CSMD2: variants seen among roughly 807,000 people sequenced by gnomAD.
CSMD2 encodes CUB and sushi domain-containing protein 2.
A neutral mutation model predicts 398.5 loss-of-function variants in CSMD2; 130 were observed. The ratio of observed to expected loss-of-function variants is 0.33; its 90% CI spans 0.28 to 0.38. The LOEUF (loss-of-function observed/expected upper bound fraction) is 0.38. CSMD2 is among the 10% of genes least tolerant of loss of function. The probability of loss-of-function intolerance (pLI) is 1.00; values close to 1 mark genes in which losing one functional copy is unlikely to be tolerated. For synonymous variants in CSMD2, 1,828 were observed against 1,908.5 expected, an observed-to-expected ratio of 0.96 and a Z score of 1.10; for missense variants, 3,829 against 4,764.9, an observed-to-expected ratio of 0.80 and a Z score of 5.78.
At chr1:33,577,508 G>A (rs773670035) in intron 48 of CSMD2, 24 bp from the exon 49 acceptor site, 5 of 1,583,644 alleles carry the variant, frequency 3.2e-6, no homozygotes, top group East Asian at 2.3e-5. Flanking sequence ...TGAGGTTCAG[G>A]GAACTGGCAC....
chr1:33,597,298 T>TATCC (rs1325929313), intron 44 of CSMD2, among the ~76,000 whole-genome samples: 1 of 152,248 alleles, frequency 6.6e-6, no homozygotes, highest in African/African-American at 2.4e-5. Context: ...TTATCTTGAA[T>TATCC]ATCCTCTCTT....
intron 1 of CSMD2, among the ~76,000 whole-genome samples, chr1:34,155,015 C>G (rs936799076): frequency 6.6e-6 from 1 of 152,150 alleles, no homozygotes; most frequent in Non-Finnish European, 1.5e-5. Context: ...CGTGAGCCAC[C>G]GCGCCCTGCC....
chr1:33,560,880 A>G (rs1187588644), intron 53 of CSMD2, among the ~76,000 whole-genome samples: 1 of 152,192 alleles, frequency 6.6e-6, no homozygotes, highest in Non-Finnish European at 1.5e-5. Context: ...TGAATCAGCG[A>G]ATGAGTAAGT....
At chr1:33,588,443 A>G (rs181057187) in intron 44 of CSMD2, among the ~76,000 whole-genome samples, 3 of 152,262 alleles carry the variant, frequency 2.0e-5, no homozygotes, top group African/African-American at 7.2e-5. Flanking sequence ...TTGAAAGTAC[A>G]GATATCTCCT....
chr1:33,617,423 G>T, intron 38 of CSMD2, 76 bp downstream of exon 38: 2 of 1,089,436 alleles, frequency 1.8e-6, no homozygotes, highest in African/African-American at 1.5e-5. Flanking sequence ...GGTGACTGTA[G>T]CTCTGCTGGT....
At chr1:33,975,938 C>T (rs1645946966) in intron 3 of CSMD2, among the ~76,000 whole-genome samples, 1 of 152,230 alleles carries the variant, frequency 6.6e-6, no homozygotes, top group Admixed American at 6.5e-5. Flanking sequence ...CACATGCTCA[C>T]CCCAGCAGCT....
chr1:33,628,825 AAAG>A (rs879278074), intron 32 of CSMD2, among the ~76,000 whole-genome samples: 5 of 152,186 alleles, frequency 3.3e-5, no homozygotes, highest in Non-Finnish European at 7.3e-5. Flanking sequence ...AACAACAAAA[AAAG>A]AAAATCACAT....
At chr1:33,817,586 G>C (rs1657615340) in intron 9 of CSMD2, among the ~76,000 whole-genome samples, 1 of 152,182 alleles carries the variant, frequency 6.6e-6, no homozygotes, top group Admixed American at 6.5e-5. Context: ...GCAACTAGAG[G>C]CTGAGGTTTG....
chr1:33,724,462 T>C, intron 18 of CSMD2, 54 bp downstream of exon 18: 1 of 1,587,380 alleles, frequency 6.3e-7, no homozygotes, highest in South Asian at 1.1e-5. Flanking sequence ...CACCTGTGTT[T>C]CTGTGGCAGG....
intron 25 of CSMD2, among the ~76,000 whole-genome samples, chr1:33,686,499 G>T (rs1041052629): frequency 6.6e-6 from 1 of 152,186 alleles, no homozygotes; most frequent in African/African-American, 2.4e-5. Context: ...AAGGAAAGGG[G>T]CTGCCTTCCA....
rs114372335 is a variant in CSMD2, at chr1:34,108,687, G to A, written c.188-19494C>T. On this transcript the variant is annotated intron_variant, in intron 1 of 70. Transcript: ENST00000373381. ...TAAAGGAATGAAGGGATAGAAAGAG[G>A]GAAAGAGGCTGAAGAGGGAAAGGGG... 5.9e-3 allele frequency among the ~76,000 whole-genome samples: 904 copies of A among 152,312 alleles called. 14 individuals are homozygous for A. The highest frequency in any genetic ancestry group is 0.021 in the African/African-American group (861 of 41,562).
chr1:34,039,057 G>A (rs746353404), intron 2 of CSMD2, among the ~76,000 whole-genome samples: 80 of 152,210 alleles, frequency 5.3e-4, no homozygotes, highest in Middle Eastern at 3.4e-3. Context: ...GTGTCTCAAC[G>A]TTACTTCTAG....
intron 6 of CSMD2, among the ~76,000 whole-genome samples, chr1:33,836,657 T>G (rs1218989794): frequency 6.6e-6 from 1 of 152,098 alleles, no homozygotes; most frequent in African/African-American, 2.4e-5. Flanking sequence ...TAGGACCCTC[T>G]GAGCCATGCG....
chr1:33,954,165 C>T (rs966125928), intron 3 of CSMD2, among the ~76,000 whole-genome samples: 3 of 152,146 alleles, frequency 2.0e-5, no homozygotes, highest in Non-Finnish European at 2.9e-5. Flanking sequence ...CCCTGAGAGT[C>T]GAAGTAGGTA....
At chr1:33,545,555 C>T (rs1656798395) in intron 57 of CSMD2, among the ~76,000 whole-genome samples, 1 of 152,172 alleles carries the variant, frequency 6.6e-6, no homozygotes, top group Non-Finnish European at 1.5e-5. Context: ...AGGGAGCATT[C>T]TAAGGTATTT....
intron 5 of CSMD2, among the ~76,000 whole-genome samples, chr1:33,868,413 C>T (rs1047552083): frequency 5.3e-5 from 8 of 152,114 alleles, no homozygotes; most frequent in Admixed American, 4.6e-4. Flanking sequence ...TCATCTCTCA[C>T]GTTCCGGTGA....
chr1:34,038,628 G>A (rs1190356269), intron 2 of CSMD2, among the ~76,000 whole-genome samples: 1 of 152,158 alleles, frequency 6.6e-6, no homozygotes, highest in Non-Finnish European at 1.5e-5. Flanking sequence ...TCCCTAACGA[G>A]GTTCACAAAT....
intron 5 of CSMD2, among the ~76,000 whole-genome samples, chr1:33,883,719 C>T (rs760497230): frequency 3.3e-5 from 5 of 152,174 alleles, no homozygotes; most frequent in Admixed American, 6.5e-5. Flanking sequence ...GTCAAAGACC[C>T]ATATGATCCC....
intron 5 of CSMD2, among the ~76,000 whole-genome samples, chr1:33,895,408 T>C (rs925622864): frequency 6.6e-6 from 1 of 152,114 alleles, no homozygotes; most frequent in Non-Finnish European, 1.5e-5. Context: ...ATGGGGGTAC[T>C]GGGAAATGGT....
Sources: gnomAD v4.1 joint callset for allele counts (sites outside exome capture counted in the v4.1 genomes callset) on GRCh38, gnomAD v4.1.1 for gene constraint, MANE v1.5 for transcripts, NCBI Gene and HGNC (gene_info 2026-07-23, HGNC 2026-07-21) for gene names.